CDK14: variants seen among roughly 807,000 people sequenced by gnomAD.
CDK14 encodes the protein cyclin-dependent kinase 14.
CDK14 carries 34 observed loss-of-function variants against 60.7 expected under a neutral mutation model. That is an observed-to-expected ratio of 0.56 (90% CI 0.43 to 0.75). The LOEUF is 0.75. Among genes scored for constraint, CDK14 ranks in the 30% least tolerant of loss-of-function variants. The pLI, the probability that CDK14 is intolerant of heterozygous loss-of-function variation, is 0.00. For synonymous variants in CDK14, 197 were observed against 203.7 expected, an observed-to-expected ratio of 0.97 and a Z score of 0.28; for missense variants, 482 against 564.1, an observed-to-expected ratio of 0.85 and a Z score of 1.47.
At chr7:90,863,956 T>A (rs1750993283) in intron 6 of CDK14, among the ~76,000 whole-genome samples, 1 of 152,086 alleles carries the variant, frequency 6.6e-6, no homozygotes, top group South Asian at 2.1e-4. Context: ...ACTATGATAA[T>A]TAACATCCCA....
chr7:91,078,370 G>A (rs1161232772), intron 11 of CDK14, among the ~76,000 whole-genome samples: 2 of 152,190 alleles, frequency 1.3e-5, no homozygotes, highest in African/African-American at 4.8e-5. Flanking sequence ...ACTTTGGGAG[G>A]CCAAGGCAGG....
chr7:91,013,580 C>G (rs966472035), intron 10 of CDK14, among the ~76,000 whole-genome samples: 2 of 151,574 alleles, frequency 1.3e-5, no homozygotes, highest in Middle Eastern at 3.2e-3. Context: ...TGGTTGAAAC[C>G]TACGTTCCTG....
intron 9 of CDK14, among the ~76,000 whole-genome samples, chr7:90,969,882 GTTA>G: frequency 6.7e-6 from 1 of 149,910 alleles, no homozygotes; most frequent in Admixed American, 6.6e-5. Flanking sequence ...AATATTCCTT[GTTA>G]TCTATGTAAC....
chr7:91,032,848 A>C lies in CDK14; in HGVS notation c.1042-13049A>C, dbSNP rs146037230. Among the ~76,000 whole-genome samples the C allele has an allele frequency of 9.9e-4, 151 of 152,340 alleles. 1 individual carries two copies. Among genetic ancestry groups the C allele is most frequent in the Non-Finnish European group, 4.7e-4 (32 of 68,030 alleles). ...TACATTCATATTAACATATTTTTGAAGATAATATAATTTTCTAAAACACAA... is the reference window on the plus strand; with the variant it reads ...TACATTCATATTAACATATTTTTGACGATAATATAATTTTCTAAAACACAA... On this transcript the variant is annotated intron_variant, in intron 10 of 14. Coordinates refer to ENST00000380050, the MANE Select transcript of CDK14 (RefSeq NM_001287135.2).
At chr7:90,939,442 G>C (rs1793849571) in intron 8 of CDK14, among the ~76,000 whole-genome samples, 1 of 152,180 alleles carries the variant, frequency 6.6e-6, no homozygotes, top group Non-Finnish European at 1.5e-5. Context: ...AATACAGCAT[G>C]TGTAAAGTTT....
chr7:91,124,645 A>G (rs559899658), intron 14 of CDK14, among the ~76,000 whole-genome samples: 5 of 152,250 alleles, frequency 3.3e-5, no homozygotes, highest in Non-Finnish European at 5.9e-5. Flanking sequence ...TTTCCAGGTC[A>G]AATGAGCTTT....
chr7:90,913,368 T>G (rs1219071467), intron 7 of CDK14, among the ~76,000 whole-genome samples: 1 of 152,164 alleles, frequency 6.6e-6, no homozygotes, highest in Non-Finnish European at 1.5e-5. Flanking sequence ...TGTTAAAATG[T>G]TTTTTGTAAA....
intron 10 of CDK14, among the ~76,000 whole-genome samples, chr7:91,037,806 T>A (rs558078580): frequency 6.6e-6 from 1 of 152,376 alleles, no homozygotes; most frequent in African/African-American, 2.4e-5. Context: ...CGCTCTTCTC[T>A]GAATTCAGGA....
intron 3 of CDK14, 119 bp downstream of exon 3, chr7:90,726,931 C>G (rs995046459): frequency 8.2e-7 from 1 of 1,226,648 alleles, no homozygotes; most frequent in Non-Finnish European, 1.1e-6. Flanking sequence ...CATTCTCTCC[C>G]AGGGTGGTTG....
intron 3 of CDK14, among the ~76,000 whole-genome samples, chr7:90,745,704 G>A (rs183108319): frequency 3.3e-4 from 51 of 152,282 alleles, no homozygotes; most frequent in African/African-American, 1.0e-3. Flanking sequence ...GTGAGCCACC[G>A]TGCTCAGCCT....
intron 12 of CDK14, among the ~76,000 whole-genome samples, chr7:91,104,226 G>A (rs1217638805): frequency 6.6e-6 from 1 of 151,950 alleles, no homozygotes; most frequent in African/African-American, 2.4e-5. Context: ...CAACCTGATG[G>A]GCCCAGTTCC....
At chr7:90,788,671 T>C (rs1307020887) in intron 4 of CDK14, among the ~76,000 whole-genome samples, 1 of 152,326 alleles carries the variant, frequency 6.6e-6, no homozygotes, top group Non-Finnish European at 1.5e-5. Context: ...TCAACTATGA[T>C]GAAGTCCTTG....
At chr7:91,135,459 A>G (rs1275615905) in intron 14 of CDK14, among the ~76,000 whole-genome samples, 2 of 152,160 alleles carry the variant, frequency 1.3e-5, no homozygotes, top group Non-Finnish European at 2.9e-5. Context: ...CAGTGTCAGG[A>G]ATAGATGGTC....
rs536572412 is a variant in CDK14, at chr7:91,016,372, T to C, written c.1042-29525T>C. Among the ~76,000 whole-genome samples, 28 of 152,306 alleles carry C rather than the reference T, an allele frequency of 1.8e-4. No homozygotes were observed. The South Asian group carries it at 2.1e-3, about 11-fold the overall frequency. The stretch of plus-strand genomic sequence containing the variant: ...AGACTGAATTTTGTATTCCTCAATT[T>C]AGACGGTCCTAAACATGCTCTCATA... On this transcript the variant is annotated intron_variant, in intron 10 of 14. Coordinates refer to ENST00000380050, the MANE Select transcript of CDK14 (RefSeq NM_001287135.2).
At chr7:90,744,103 A>G (rs571258812) in intron 3 of CDK14, among the ~76,000 whole-genome samples, 2 of 152,258 alleles carry the variant, frequency 1.3e-5, no homozygotes, top group Admixed American at 6.5e-5. Context: ...ATGGAAGGTT[A>G]GCAGATAAAC....
At chr7:90,910,834 T>G (rs1792870563) in intron 7 of CDK14, among the ~76,000 whole-genome samples, 1 of 152,098 alleles carries the variant, frequency 6.6e-6, no homozygotes, top group Non-Finnish European at 1.5e-5. Context: ...GTTGCATAGG[T>G]AAAGGCATGT....
At chr7:91,087,748 G>T (rs182131977) in intron 12 of CDK14, among the ~76,000 whole-genome samples, 24 of 152,074 alleles carry the variant, frequency 1.6e-4, no homozygotes, top group Non-Finnish European at 1.3e-4. Context: ...AGAGTCCCCA[G>T]ACATCTTCTG....
intron 5 of CDK14, among the ~76,000 whole-genome samples, chr7:90,825,476 C>T (rs895235888): frequency 1.3e-5 from 2 of 152,180 alleles, no homozygotes; most frequent in Non-Finnish European, 2.9e-5. Flanking sequence ...AAAAAGTAAA[C>T]TTAAATACTT....
chr7:91,195,865 C>T (rs117055504), intron 14 of CDK14, among the ~76,000 whole-genome samples: 3,378 of 152,214 alleles, frequency 0.022, 63 homozygotes, highest in Non-Finnish European at 0.033. Context: ...CATTTCAGGC[C>T]GTTTACTCCA....
Sources: gnomAD v4.1 joint callset for allele counts (sites outside exome capture counted in the v4.1 genomes callset) on GRCh38, gnomAD v4.1.1 for gene constraint, MANE v1.5 for transcripts, NCBI Gene and HGNC (gene_info 2026-07-23, HGNC 2026-07-21) for gene names.